Variants in SNTG1 observed in about 807,000 individuals in gnomAD.
SNTG1 encodes syntrophin gamma 1.
A neutral mutation model predicts 74.7 loss-of-function variants in SNTG1; 39 were observed. The ratio of observed to expected loss-of-function variants is 0.52; its 90% confidence interval spans 0.40 to 0.68. The LOEUF (loss-of-function observed/expected upper bound fraction) is 0.68. Among genes scored for constraint, SNTG1 ranks in the 30% least tolerant of loss-of-function variants. The probability of loss-of-function intolerance (pLI) is 0.00; values close to 1 mark genes in which losing one functional copy is unlikely to be tolerated. For synonymous variants in SNTG1, 254 were observed against 217.1 expected (o/e 1.17, Z -1.49); for missense variants, 685 against 609.5 (o/e 1.12, Z -1.30).
At chr8:50,104,419 A>G (rs1223438683) in intron 1 of SNTG1, among the ~76,000 whole-genome samples, 1 of 151,912 alleles carries the variant, frequency 6.6e-6, no homozygotes, top group East Asian at 1.9e-4. Context: ...CCCCTTTATC[A>G]TTTTTTATTG....
chr8:50,203,375 C>A (rs1478918288), intron 2 of SNTG1, among the ~76,000 whole-genome samples: 2 of 152,114 alleles, frequency 1.3e-5, no homozygotes, highest in African/African-American at 4.8e-5. Context: ...TCTGTGTTCA[C>A]CTGTCTCTGC....
At chr8:50,210,049 G>C (rs1453861341) in intron 2 of SNTG1, among the ~76,000 whole-genome samples, 4 of 152,164 alleles carry the variant, frequency 2.6e-5, no homozygotes, top group Non-Finnish European at 5.9e-5. Flanking sequence ...TCATGGAGCT[G>C]AAAACCATGG....
chr8:50,232,652 G>A (rs1046650333), intron 2 of SNTG1, among the ~76,000 whole-genome samples: 9 of 151,342 alleles, frequency 5.9e-5, no homozygotes, highest in African/African-American at 2.2e-4. Context: ...GTCCCTATTT[G>A]TAGATCACAT....
chr8:50,660,449 A>G (rs1435518199), intron 15 of SNTG1, among the ~76,000 whole-genome samples: 3 of 146,040 alleles, frequency 2.1e-5, no homozygotes, highest in Non-Finnish European at 3.0e-5. Flanking sequence ...AAGAGAAAAA[A>G]GAAAGGGAGG....
At chr8:50,403,555 G>A (rs1241934188) in intron 4 of SNTG1, among the ~76,000 whole-genome samples, 3 of 152,018 alleles carry the variant, frequency 2.0e-5, no homozygotes, top group African/African-American at 4.8e-5. Flanking sequence ...AATAAAATCA[G>A]TAAAATTTAC....
chr8:50,577,577 G>T (rs971688465), intron 12 of SNTG1, among the ~76,000 whole-genome samples: 2 of 37,604 alleles, frequency 5.3e-5, no homozygotes, highest in African/African-American at 2.7e-4. Flanking sequence ...AAGAAGGATT[G>T]GTGTAGTACT....
chr8:50,521,401 A>G (rs2094178482), intron 9 of SNTG1, among the ~76,000 whole-genome samples: 1 of 152,194 alleles, frequency 6.6e-6, no homozygotes, highest in African/African-American at 2.4e-5. Context: ...CATGTACCCC[A>G]GAACTTAAAG....
At chr8:50,522,758 T>C (rs1173386253) in intron 9 of SNTG1, among the ~76,000 whole-genome samples, 1 of 152,124 alleles carries the variant, frequency 6.6e-6, no homozygotes, top group East Asian at 1.9e-4. Flanking sequence ...TCTGTATTTT[T>C]AGTAGAGATG....
At chr8:50,614,617 T>C (rs1037886183) in intron 13 of SNTG1, among the ~76,000 whole-genome samples, 3 of 152,184 alleles carry the variant, frequency 2.0e-5, no homozygotes, top group South Asian at 4.1e-4. Context: ...ATTTTAATTA[T>C]ACAATCATAC....
chr8:50,374,189 A>T (rs1587369274), intron 2 of SNTG1, among the ~76,000 whole-genome samples: 1 of 152,320 alleles, frequency 6.6e-6, no homozygotes, highest in Non-Finnish European at 1.5e-5. Flanking sequence ...TGCTGTTAAA[A>T]TCTTAAATTC....
At chr8:50,734,907 A>G (rs1002362128) in intron 17 of SNTG1, among the ~76,000 whole-genome samples, 1 of 141,720 alleles carries the variant, frequency 7.1e-6, no homozygotes, top group African/African-American at 2.6e-5. Context: ...ACATATATAT[A>G]TCTATATATA....
At chr8:50,001,036 A>T (rs1236519966) in intron 1 of SNTG1, among the ~76,000 whole-genome samples, 1 of 152,238 alleles carries the variant, frequency 6.6e-6, no homozygotes, top group East Asian at 1.9e-4. Context: ...ACAGATTTTA[A>T]TCAGTCATAC....
chr8:49,937,482 C>A (rs561407976), intron 1 of SNTG1, among the ~76,000 whole-genome samples: 4 of 152,266 alleles, frequency 2.6e-5, no homozygotes, highest in South Asian at 2.1e-4. Context: ...TTAATTCTGG[C>A]TTTTTATTTG....
At chr8:50,309,920 T>C (rs563221272) in intron 2 of SNTG1, among the ~76,000 whole-genome samples, 1 of 152,234 alleles carries the variant, frequency 6.6e-6, no homozygotes, top group Non-Finnish European at 1.5e-5. Context: ...GACAATTAAC[T>C]GGAAAACATT....
intron 1 of SNTG1, among the ~76,000 whole-genome samples, chr8:50,072,922 G>T (rs556941677): frequency 6.6e-6 from 1 of 152,112 alleles, no homozygotes; most frequent in East Asian, 1.9e-4. Context: ...ACTAAAAAAT[G>T]CTCACAGTCA....
At position 50,751,925 on chromosome 8, in the gene SNTG1, T is replaced by C. The variant is rs1015955042; in HGVS notation, c.1285-76T>C. 14 of 859,818 alleles carry C rather than the reference T, an allele frequency of 1.6e-5. 1 individual carries two copies. Among genetic ancestry groups the C allele is most frequent in the Non-Finnish European group, 2.5e-5 (14 of 567,334 alleles). 53.3% of individuals were successfully genotyped at this position (859,818 alleles called of 1,614,324 possible). A position where few individuals can be genotyped will look rare whatever the true frequency, so the allele number is the denominator to read the frequency against. ...CTTTGTATGATTAACTTTTACCATTTAAAAAAGAACTATTTCTTGATTTGA... is the reference window on the plus strand; with the variant it reads ...CTTTGTATGATTAACTTTTACCATTCAAAAAAGAACTATTTCTTGATTTGA... On this transcript the variant is annotated intron_variant, in intron 17 of 18. Coordinates refer to ENST00000642720, the MANE Select transcript of SNTG1 (RefSeq NM_018967.5).
chr8:49,991,115 T>C (rs1323869636), intron 1 of SNTG1, among the ~76,000 whole-genome samples: 1 of 152,118 alleles, frequency 6.6e-6, no homozygotes, highest in Admixed American at 6.5e-5. Flanking sequence ...ATAATTTAAC[T>C]TAAAATGGAC....
At chr8:49,949,687 C>T (rs1294291893) in intron 1 of SNTG1, among the ~76,000 whole-genome samples, 2 of 152,138 alleles carry the variant, frequency 1.3e-5, no homozygotes, top group Non-Finnish European at 2.9e-5. Context: ...ATTCCATGTG[C>T]TCATAGGTAG....
intron 4 of SNTG1, among the ~76,000 whole-genome samples, chr8:50,413,624 T>C (rs1191595689): frequency 2.0e-5 from 3 of 152,242 alleles, no homozygotes; most frequent in Non-Finnish European, 4.4e-5. Flanking sequence ...ATTTCTTCAA[T>C]TCTGAAGAAT....
Sources: allele counts gnomAD v4.1 joint callset (sites outside exome capture counted in the v4.1 genomes callset), GRCh38; gene constraint gnomAD v4.1.1; transcripts MANE v1.5; gene names NCBI Gene and HGNC (gene_info 2026-07-23, HGNC 2026-07-21).